DENND4A: variants seen among roughly 807,000 people sequenced by gnomAD.
The protein encoded by DENND4A is DENN domain containing 4A.
Under a neutral mutation model 199.3 loss-of-function variants are expected in DENND4A, and 70 were observed. The ratio of observed to expected loss-of-function variants is 0.35; its 90% CI spans 0.29 to 0.43. The LOEUF (loss-of-function observed/expected upper bound fraction) is 0.43, where lower values mean the gene tolerates loss of function less well. DENND4A is among the 20% of genes least tolerant of loss of function. The pLI, the probability that DENND4A is intolerant of heterozygous loss-of-function variation, is 1.00. For missense variants in DENND4A, 1,723 were observed against 2,255.8 expected, an observed-to-expected ratio of 0.76 and a Z score of 4.78; for synonymous variants, 686 against 766.9, an observed-to-expected ratio of 0.89 and a Z score of 1.74.
intron 2 of DENND4A, among the ~76,000 whole-genome samples, chr15:65,757,498 C>G (rs2076738107): frequency 6.6e-6 from 1 of 152,110 alleles, no homozygotes; most frequent in Non-Finnish European, 1.5e-5. Flanking sequence ...GGACTATACT[C>G]CCAGCCAAAG....
chr15:65,782,555 C>T (rs1596702104), intron 1 of DENND4A, among the ~76,000 whole-genome samples: 1 of 152,080 alleles, frequency 6.6e-6, no homozygotes, highest in East Asian at 1.9e-4. Context: ...AGCAATGTGA[C>T]CTCGGACAAG....
At chr15:65,741,551 G>C (rs2076262752) in intron 5 of DENND4A, among the ~76,000 whole-genome samples, 164 bp downstream of exon 5, 1 of 152,086 alleles carries the variant, frequency 6.6e-6, no homozygotes, top group Admixed American at 6.5e-5. Context: ...CTTCCATCAA[G>C]CATCCAATAA....
At chr15:65,726,672 T>A (rs1398578959) in intron 11 of DENND4A, among the ~76,000 whole-genome samples, 1 of 152,194 alleles carries the variant, frequency 6.6e-6, no homozygotes, top group Admixed American at 6.5e-5. Flanking sequence ...AATCTAAGGT[T>A]TCATAATTAA....
intron 4 of DENND4A, among the ~76,000 whole-genome samples, chr15:65,747,934 G>A (rs1359873207): frequency 6.6e-6 from 1 of 150,566 alleles, no homozygotes; most frequent in Non-Finnish European, 1.5e-5. Context: ...CAGCTACTCA[G>A]GAGGCTGAGG....
chr15:65,769,094 A>C (rs2077059508), intron 1 of DENND4A, among the ~76,000 whole-genome samples: 1 of 151,942 alleles, frequency 6.6e-6, no homozygotes, highest in African/African-American at 2.4e-5. Flanking sequence ...GGCTGTTATA[A>C]ATGATTACAA....
chr15:65,663,037 A>G (rs1416052630), intron 32 of DENND4A, among the ~76,000 whole-genome samples: 1 of 151,976 alleles, frequency 6.6e-6, no homozygotes, highest in Non-Finnish European at 1.5e-5. Flanking sequence ...CCATAGTTAA[A>G]AGGCCTAGCT....
intron 1 of DENND4A, among the ~76,000 whole-genome samples, chr15:65,762,636 T>G (rs746815188): frequency 6.6e-6 from 1 of 152,014 alleles, no homozygotes. Context: ...CTCCAATGAA[T>G]GAATGAATGA....
intron 13 of DENND4A, among the ~76,000 whole-genome samples, chr15:65,716,090 T>C (rs2075389480): frequency 6.6e-6 from 1 of 152,058 alleles, no homozygotes; most frequent in African/African-American, 2.4e-5. Flanking sequence ...CCTTACTAAT[T>C]ATGCTCAGTT....
chr15:65,664,272 CT>C, intron 32 of DENND4A, 57 bp downstream of exon 32: 1 of 968,240 alleles, frequency 1.0e-6, no homozygotes, highest in Non-Finnish European at 1.5e-6. Context: ...TATAAAAATA[CT>C]TTGAAAACTA....
chr15:65,705,545 C>T (rs1237101176), intron 15 of DENND4A, among the ~76,000 whole-genome samples: 2 of 152,166 alleles, frequency 1.3e-5, no homozygotes, highest in Non-Finnish European at 2.9e-5. Context: ...GTATACTTAG[C>T]ACAGTGTCTA....
chr15:65,753,639 G>A (rs1201450580), intron 3 of DENND4A, among the ~76,000 whole-genome samples: 1 of 152,000 alleles, frequency 6.6e-6, no homozygotes, highest in Non-Finnish European at 1.5e-5. Flanking sequence ...GATTACACGT[G>A]TAAGCCACTG....
In DENND4A at chr15:65,660,759, A is replaced by G. The variant is rs1476682806; in HGVS notation, c.*1092T>C. On this transcript the variant is annotated 3_prime_UTR_variant, in exon 33 of 33. Transcript: ENST00000443035. ...AGTTCCTCAATATGGATGAAAATCT[A>G]TCTGGCTGTACTTTTAGAGGGGAAT... The G allele has an allele frequency of 6.5e-6, 1 of 153,336 alleles. No individual in the cohort carries two copies. The highest frequency in any genetic ancestry group is 2.4e-5 in the African/African-American group (1 of 41,480). The allele number at this position is 153,336 out of a possible 1,614,324, so 9.5% of individuals were successfully genotyped here.
At chr15:65,754,905 G>A (rs776802521) in intron 3 of DENND4A, among the ~76,000 whole-genome samples, 3 of 152,074 alleles carry the variant, frequency 2.0e-5, no homozygotes, top group Non-Finnish European at 4.4e-5. Context: ...TCACTCCTAG[G>A]TATATACAAA....
At position 65,702,619 on chromosome 15, in the gene DENND4A, C is replaced by G. The variant is rs566707016; in HGVS notation, c.2224-108G>C. On this transcript the variant is annotated intron_variant, in intron 16 of 32. Coordinates refer to ENST00000443035, the MANE Select transcript of DENND4A (RefSeq NM_001320835.1). Reference sequence around the variant, plus strand: ...ACATGCTTTTATAATGTTTCCATAACAAAATATGTCTGTAATTAATGCGTT... The same window carrying G: ...ACATGCTTTTATAATGTTTCCATAAGAAAATATGTCTGTAATTAATGCGTT... The G allele has an allele frequency of 3.7e-4, 373 of 1,007,450 alleles. 4 individuals carry two copies. The South Asian group carries it at 6.0e-3, about 16-fold the overall frequency. The allele number at this position is 1,007,450 out of a possible 1,614,324, so 62.4% of individuals were successfully genotyped here.
At position 65,752,556 on chromosome 15, in the gene DENND4A, G is replaced by T; in HGVS notation, c.384C>A (p.Pro128=). 1.2e-6 allele frequency: 2 copies of T among 1,612,074 alleles called. No homozygotes were observed. The highest frequency in any genetic ancestry group is 1.7e-6 in the Non-Finnish European group (2 of 1,179,028). ...ATGAGGTACTCCCACTAATATTTGC[G>T]GGGCGCCCATAGGGAGTACTCTGAA... ...EIIQSTPYGR[P]ANISGSTSSQ... The change falls in exon 4 of 33, where the codon CCC becomes CCA. Residue 128 remains proline, a synonymous_variant. Transcript: ENST00000443035.
intron 13 of DENND4A, among the ~76,000 whole-genome samples, 153 bp downstream of exon 13, chr15:65,717,625 A>C (rs2075448101): frequency 1.3e-5 from 2 of 152,164 alleles, no homozygotes; most frequent in African/African-American, 4.8e-5. Context: ...AACTAGTCCT[A>C]TGGAAATGGG....
intron 23 of DENND4A, among the ~76,000 whole-genome samples, chr15:65,677,927 C>CTTTTTTT (rs11071847): frequency 8.0e-5 from 8 of 100,064 alleles, no homozygotes; most frequent in Admixed American, 1.1e-4. Context: ...CCTCTTATCT[C>CTTTTTTT]TTTTTTTTTT....
chr15:65,725,493 G>A (rs974299501), intron 11 of DENND4A, among the ~76,000 whole-genome samples: 4 of 151,958 alleles, frequency 2.6e-5, no homozygotes, highest in Non-Finnish European at 5.9e-5. Context: ...TGGCTAATGC[G>A]GTGAAACCCC....
At chr15:65,780,149 G>C (rs550213395) in intron 1 of DENND4A, among the ~76,000 whole-genome samples, 1 of 152,010 alleles carries the variant, frequency 6.6e-6, no homozygotes, top group Non-Finnish European at 1.5e-5. Context: ...AGATCCGTAC[G>C]CCTTGGCCTC....
Sources: gnomAD v4.1 joint callset for allele counts (sites outside exome capture counted in the v4.1 genomes callset) on GRCh38, gnomAD v4.1.1 for gene constraint, MANE v1.5 for transcripts, NCBI Gene and HGNC (gene_info 2026-07-23, HGNC 2026-07-21) for gene names.